Variants in VPS39 observed in about 807,000 individuals in gnomAD.
VPS39 encodes VPS39 subunit of HOPS complex.
In VPS39, 70 loss-of-function variants were observed where a neutral mutation model predicts 121.0. That is an observed-to-expected ratio of 0.58 (90% confidence interval 0.48 to 0.71). The LOEUF is 0.71. Ranked by LOEUF, VPS39 falls within the 30% of genes least tolerant of loss-of-function variation. The probability of loss-of-function intolerance (pLI) is 0.00; values close to 1 mark genes in which losing one functional copy is unlikely to be tolerated. For synonymous variants in VPS39, 378 were observed against 398.1 expected, an observed-to-expected ratio of 0.95 and a Z score of 0.60; for missense variants, 818 against 1,051.5, an observed-to-expected ratio of 0.78 and a Z score of 3.07.
chr15:42,174,075 G>A lies in VPS39; in HGVS notation c.961-223C>T, dbSNP rs565700953. 5.3e-5 allele frequency among the ~76,000 whole-genome samples: 8 copies of A among 152,048 alleles called. No homozygotes were observed. In the South Asian group the frequency reaches 1.2e-3, roughly 24 times the overall value. ...ATCCTGGCTAACACGGTGAAACCCC[G>A]TCTCTACTAAAAATACAAAAAATTA... is the stretch of plus-strand genomic sequence containing the variant. On this transcript the variant is annotated intron_variant, in intron 10 of 24. Transcript: ENST00000318006.
chr15:42,175,576 A>C (rs1317776820), intron 10 of VPS39, among the ~76,000 whole-genome samples: 2 of 152,004 alleles, frequency 1.3e-5, no homozygotes, highest in African/African-American at 4.8e-5. Context: ...AATCTTTATC[A>C]AATTTAGTTT....
chr15:42,194,609 G>C (rs914222640), intron 2 of VPS39, among the ~76,000 whole-genome samples: 5 of 151,872 alleles, frequency 3.3e-5, no homozygotes, highest in African/African-American at 1.2e-4. Context: ...GGTGTGTGCC[G>C]GTAGTCCTAG....
intron 1 of VPS39, among the ~76,000 whole-genome samples, chr15:42,204,923 C>A (rs1310694361): frequency 6.6e-6 from 1 of 152,060 alleles, no homozygotes; most frequent in Non-Finnish European, 1.5e-5. Flanking sequence ...TTTTTACAGG[C>A]TTTGAATATA....
intron 1 of VPS39, among the ~76,000 whole-genome samples, chr15:42,201,170 C>CT (rs34867021): frequency 0.31 from 47,020 of 151,704 alleles, 11,140 homozygotes; most frequent in African/African-American, 0.64. Context: ...TAATTGTACA[C>CT]TTTTTTTTAA....
At chr15:42,162,001 C>G (rs766663093) in intron 23 of VPS39, 31 bp downstream of exon 23, 1 of 1,613,126 alleles carries the variant, frequency 6.2e-7, no homozygotes, top group Admixed American at 1.7e-5. Flanking sequence ...AGTTAAAAGC[C>G]CACCCTAGAG....
In VPS39 at chr15:42,191,571, CAAAT is replaced by C. The variant is rs2049827922; in HGVS notation, c.140-15_140-12del. ...CAAATCTGTTGCAACCTATGGAAAA[CAAAT>C]AAACACTGGTAGTTCCAAATACAGG... On this transcript the variant is annotated splice_polypyrimidine_tract_variant and intron_variant, in intron 2 of 24. Coordinates refer to ENST00000318006, the MANE Select transcript of VPS39 (RefSeq NM_015289.5). 1 of 1,610,268 alleles carries C rather than the reference CAAAT, an allele frequency of 6.2e-7. No homozygotes were observed. Among genetic ancestry groups the C allele is most frequent in the African/African-American group, 1.3e-5 (1 of 74,642 alleles).
At chr15:42,191,357 A>G in intron 3 of VPS39, 139 bp downstream of exon 3, 1 of 1,053,718 alleles carries the variant, frequency 9.5e-7, no homozygotes, top group Non-Finnish European at 1.4e-6. Context: ...GGCACATGAT[A>G]TATGAGCAGA....
chr15:42,167,303 G>GCAGGTCC, intron 13 of VPS39, 91 bp downstream of exon 13: 1 of 1,473,352 alleles, frequency 6.8e-7, no homozygotes, highest in South Asian at 1.3e-5. Context: ...CTTACTAATG[G>GCAGGTCC]CAGGTCCCTC....
chr15:42,177,185 A>C (rs941693660), intron 10 of VPS39, among the ~76,000 whole-genome samples: 25 of 151,340 alleles, frequency 1.7e-4, no homozygotes, highest in East Asian at 1.2e-3. Context: ...AAAAAAAAAA[A>C]AAAACCTCAA....
At position 42,193,581 on chromosome 15, in the gene VPS39, A is replaced by G. The variant is rs1477532734; in HGVS notation, c.140-2021T>C. Among the ~76,000 whole-genome samples, 3 of 152,190 alleles carry G rather than the reference A, an allele frequency of 2.0e-5. No individual in the cohort carries two copies. The East Asian group carries it at 5.8e-4, about 29-fold the overall frequency. Reference sequence around the variant, plus strand: ...TCATACGTGATTTTAAAACTCATGCATTAGTCATTTGGAAAATACTGGTTC... The same window carrying G: ...TCATACGTGATTTTAAAACTCATGCGTTAGTCATTTGGAAAATACTGGTTC... On this transcript the variant is annotated intron_variant, in intron 2 of 24. Transcript: ENST00000318006.
At chr15:42,171,858 A>T (rs2049353192) in intron 11 of VPS39, among the ~76,000 whole-genome samples, 1 of 151,920 alleles carries the variant, frequency 6.6e-6, no homozygotes, top group East Asian at 1.9e-4. Flanking sequence ...TCTCTCTTCC[A>T]GGCTATGTGG....
chr15:42,201,422 C>T (rs2050065952), intron 1 of VPS39, among the ~76,000 whole-genome samples: 1 of 152,164 alleles, frequency 6.6e-6, no homozygotes, highest in Admixed American at 6.5e-5. Flanking sequence ...AAGCAATGCC[C>T]CTTCAGCTTC....
Position 42,166,804 on chromosome 15 carries a change from AT to A in VPS39, c.1486del (p.Ile496SerfsTer27). 1.9e-6 allele frequency: 3 copies of A among 1,614,172 alleles called. No individual in the cohort carries two copies. Among genetic ancestry groups the A allele is most frequent in the Non-Finnish European group, 2.5e-6 (3 of 1,180,040 alleles). On this transcript the variant is annotated frameshift_variant, in exon 14 of 25. Coordinates refer to ENST00000318006, the MANE Select transcript of VPS39 (RefSeq NM_015289.5). LOFTEE classifies it high-confidence loss of function. Reference sequence around the variant, plus strand: ...GTGGAGCCCCTTCTTCTCATACAGGATGATAAGCTCACTGTACTTGTGAGCC... The same window carrying A: ...GTGGAGCCCCTTCTTCTCATACAGGAGATAAGCTCACTGTACTTGTGAGCC... ...KKAHKYSELI[I>X]LYEKKGLHEK...
rs976212868 is a variant in VPS39, at chr15:42,167,593, G to A, written c.1234-56C>T. The stretch of plus-strand genomic sequence containing the variant: ...AGGACTAAGTCTTCCTTTGTCATCT[G>A]AGCTACTGGGTAATTCTGAATACCT... On this transcript the variant is annotated intron_variant, in intron 12 of 24. Transcript: ENST00000318006. 1.1e-5 allele frequency: 17 copies of A among 1,592,808 alleles called. No homozygotes were observed. The East Asian group carries it at 3.4e-4, about 31-fold the overall frequency.
intron 2 of VPS39, among the ~76,000 whole-genome samples, chr15:42,192,548 G>A (rs759108057): frequency 2.0e-5 from 3 of 152,086 alleles, no homozygotes; most frequent in South Asian, 4.1e-4. Flanking sequence ...TGGAAATCAG[G>A]GAGACTCTTT....
intron 20 of VPS39, 74 bp downstream of exon 20, chr15:42,163,552 C>T: frequency 6.6e-7 from 1 of 1,516,958 alleles, no homozygotes; most frequent in Non-Finnish European, 9.1e-7. Flanking sequence ...GGGGAGATGG[C>T]CTTCTTAACT....
intron 4 of VPS39, among the ~76,000 whole-genome samples, chr15:42,189,567 A>G (rs963772735): frequency 6.6e-6 from 1 of 151,796 alleles, no homozygotes; most frequent in Non-Finnish European, 1.5e-5. Flanking sequence ...TGTCTCTACT[A>G]AAAATACAAA....
intron 23 of VPS39, 83 bp downstream of exon 23, chr15:42,161,949 C>A: frequency 6.2e-7 from 1 of 1,600,912 alleles, no homozygotes; most frequent in South Asian, 1.1e-5. Context: ...ACAGGCTCTG[C>A]CTTGGTCAGA....
intron 8 of VPS39, among the ~76,000 whole-genome samples, chr15:42,183,542 C>A (rs1026544740): frequency 2.0e-5 from 3 of 152,150 alleles, no homozygotes; most frequent in African/African-American, 7.2e-5. Flanking sequence ...CTCTGTAATA[C>A]CCTCTCCCAA....
Sources: gnomAD v4.1 joint callset for allele counts (sites outside exome capture counted in the v4.1 genomes callset) on GRCh38, gnomAD v4.1.1 for gene constraint, MANE v1.5 for transcripts, NCBI Gene and HGNC (gene_info 2026-07-23, HGNC 2026-07-21) for gene names.